Variants in ATP13A4 observed in about 807,000 individuals in gnomAD.
ATP13A4 encodes ATPase 13A4, also known as probable cation-transporting ATPase 13A4.
A neutral mutation model predicts 142.5 loss-of-function variants in ATP13A4; 114 were observed. The observed-to-expected ratio is 0.80, with a 90% CI of 0.69 to 0.93. ATP13A4 has a LOEUF of 0.93. Among genes scored for constraint, ATP13A4 ranks in the 40% least tolerant of loss-of-function variants. ATP13A4 has a pLI of 0.00. For synonymous variants in ATP13A4, 488 were observed against 514.8 expected, an observed-to-expected ratio of 0.95 and a Z score of 0.70; for missense variants, 1,392 against 1,454.0, an observed-to-expected ratio of 0.96 and a Z score of 0.69.
At chr3:193,407,462 A>C in intron 28 of ATP13A4, 69 bp from the exon 29 acceptor site, 8 of 1,213,468 alleles carry the variant, frequency 6.6e-6, no homozygotes, top group Non-Finnish European at 9.8e-6. Context: ...TCACATGTTC[A>C]CAGCATATAT....
Position 193,424,620 on chromosome 3 carries a change from G to A in ATP13A4, c.2842+9225C>T, listed in dbSNP as rs996727852. On this transcript the variant is annotated intron_variant, in intron 25 of 29. Transcript: ENST00000342695. ...AATGGTGCTGAGAAAATTGGTTATC[G>A]ATGCAGAAGAATGAACTAGACCCCT... 1.3e-5 allele frequency among the ~76,000 whole-genome samples: 2 copies of A among 149,400 alleles called. 1 individual carries two copies. Among genetic ancestry groups the A allele is most frequent in the Admixed American group, 1.4e-4 (2 of 14,384 alleles).
At chr3:193,517,641 C>T (rs1038142443) in intron 1 of ATP13A4, among the ~76,000 whole-genome samples, 15 of 151,998 alleles carry the variant, frequency 9.9e-5, no homozygotes, top group African/African-American at 2.9e-4. Context: ...CCACCACGCC[C>T]GGCTAATTTT....
chr3:193,537,868 A>G (rs552673973), intron 1 of ATP13A4, among the ~76,000 whole-genome samples: 1 of 152,310 alleles, frequency 6.6e-6, no homozygotes, highest in South Asian at 2.1e-4. Context: ...CGTCCTATAT[A>G]ATTACATTCA....
At chr3:193,407,910 G>A (rs562731501) in intron 28 of ATP13A4, among the ~76,000 whole-genome samples, 1 of 152,342 alleles carries the variant, frequency 6.6e-6, no homozygotes, top group African/African-American at 2.4e-5. Flanking sequence ...CTGGCTCAGG[G>A]CTTCACCCTC....
intron 9 of ATP13A4, among the ~76,000 whole-genome samples, chr3:193,468,878 T>C (rs1485532503): frequency 6.6e-6 from 1 of 152,252 alleles, no homozygotes; most frequent in African/African-American, 2.4e-5. Context: ...GAAGGCAACA[T>C]TATTCCTCAA....
chr3:193,405,022 TG>T (rs1714425050), intron 29 of ATP13A4, among the ~76,000 whole-genome samples: 1 of 152,216 alleles, frequency 6.6e-6, no homozygotes, highest in Admixed American at 6.5e-5. Flanking sequence ...TCATGAGCAC[TG>T]GCATAGTAAG....
At chr3:193,414,477 C>T (rs976747728) in intron 26 of ATP13A4, 102 bp downstream of exon 26, 19 of 1,418,276 alleles carry the variant, frequency 1.3e-5, no homozygotes, top group Non-Finnish European at 1.9e-5. Context: ...AAAGCCAAAA[C>T]CTTTGGCAGA....
chr3:193,429,695 T>C (rs1430796344), intron 25 of ATP13A4, among the ~76,000 whole-genome samples: 1 of 151,924 alleles, frequency 6.6e-6, no homozygotes, highest in African/African-American at 2.4e-5. Context: ...TGAAAATATA[T>C]AGTGGTGATG....
chr3:193,572,052 CCT>C (rs1724278078), intron 2 of ATP13A4, among the ~76,000 whole-genome samples: 1 of 152,130 alleles, frequency 6.6e-6, no homozygotes, highest in South Asian at 2.1e-4. Flanking sequence ...TCAAGACCAG[CCT>C]CAGCAACATG....
chr3:193,478,060 T>C (rs1305730478), intron 8 of ATP13A4, among the ~76,000 whole-genome samples: 2 of 152,018 alleles, frequency 1.3e-5, no homozygotes, highest in African/African-American at 4.8e-5. Context: ...GTTATATTCA[T>C]AGAGAGAAAG....
At chr3:193,510,879 A>G (rs1721107583) in intron 2 of ATP13A4, among the ~76,000 whole-genome samples, 1 of 152,192 alleles carries the variant, frequency 6.6e-6, no homozygotes, top group African/African-American at 2.4e-5. Flanking sequence ...AGTCATCCAG[A>G]CCTCCTTAAT....
intron 29 of ATP13A4, 58 bp from the exon 30 acceptor site, chr3:193,402,922 C>T: frequency 6.7e-7 from 1 of 1,484,464 alleles, no homozygotes. Flanking sequence ...GAGGCTACAG[C>T]CCTCCACAGG....
At chr3:193,434,701 AT>A (rs1444916131) in intron 24 of ATP13A4, among the ~76,000 whole-genome samples, 1 of 152,194 alleles carries the variant, frequency 6.6e-6, no homozygotes, top group Admixed American at 6.5e-5. Flanking sequence ...CCACACAGAT[AT>A]CCAGACGAAC....
intron 1 of ATP13A4, among the ~76,000 whole-genome samples, chr3:193,534,028 CCATCTGGGGAA>C (rs1182423212): frequency 6.6e-6 from 1 of 152,178 alleles, no homozygotes; most frequent in African/African-American, 2.4e-5. Context: ...TCAGTGGAAA[CCATCTGGGGAA>C]CATTAGTGAG....
intron 1 of ATP13A4, among the ~76,000 whole-genome samples, chr3:193,528,011 TCG>T (rs1722106648): frequency 6.6e-6 from 1 of 152,330 alleles, no homozygotes; most frequent in South Asian, 2.1e-4. Flanking sequence ...GTCATAACTC[TCG>T]TCCGTTGAGA....
At chr3:193,456,104 T>C (rs1289481101) in intron 16 of ATP13A4, among the ~76,000 whole-genome samples, 1 of 152,110 alleles carries the variant, frequency 6.6e-6, no homozygotes, top group African/African-American at 2.4e-5. Context: ...AATTAATCTG[T>C]ACAAGAAACC....
chr3:193,564,043 C>G (rs1416847869), intron 2 of ATP13A4, among the ~76,000 whole-genome samples: 1 of 152,224 alleles, frequency 6.6e-6, no homozygotes, highest in Non-Finnish European at 1.5e-5. Flanking sequence ...TTATATTCAT[C>G]TTTCTTATTT....
intron 29 of ATP13A4, chr3:193,404,118 G>T (rs764825634): frequency 1.0e-6 from 1 of 985,252 alleles, no homozygotes; most frequent in Non-Finnish European, 1.2e-6. Flanking sequence ...CTGCAGCAAG[G>T]TTTTTTTGTC....
At chr3:193,484,756 T>C (rs984160754) in intron 7 of ATP13A4, among the ~76,000 whole-genome samples, 3 of 152,224 alleles carry the variant, frequency 2.0e-5, no homozygotes, top group African/African-American at 7.2e-5. Flanking sequence ...CAAATTTTAA[T>C]ATTTCAGGAA....
Sources: allele counts gnomAD v4.1 joint callset (sites outside exome capture counted in the v4.1 genomes callset), GRCh38; gene constraint gnomAD v4.1.1; transcripts MANE v1.5; gene names NCBI Gene and HGNC (gene_info 2026-07-23, HGNC 2026-07-21).